Variants in ZNF337 observed in about 807,000 individuals in gnomAD.
ZNF337 encodes the protein zinc finger protein 337.
In ZNF337, 8 loss-of-function variants were observed where a neutral mutation model predicts 12.1. That is an observed-to-expected ratio of 0.66 (90% CI 0.39 to 1.19). The LOEUF (loss-of-function observed/expected upper bound fraction) is 1.19. ZNF337 is among the 50% of genes most tolerant of loss of function. The pLI, the probability that ZNF337 is intolerant of heterozygous loss-of-function variation, is 0.01. For missense variants in ZNF337, 882 were observed against 896.6 expected (o/e 0.98, Z 0.21); for synonymous variants, 336 against 320.0 (o/e 1.05, Z -0.53).
intron 1 of ZNF337, among the ~76,000 whole-genome samples, chr20:25,695,389 C>T (rs2065913425): frequency 6.6e-6 from 1 of 152,162 alleles, no homozygotes; most frequent in African/African-American, 2.4e-5. Context: ...CTACGCAATC[C>T]CCTTAACTCT....
intron 1 of ZNF337, among the ~76,000 whole-genome samples, chr20:25,695,369 G>T (rs2065913170): frequency 6.6e-6 from 1 of 152,120 alleles, no homozygotes; most frequent in Non-Finnish European, 1.5e-5. Context: ...TACATAATAA[G>T]AACTTTGATC....
chr20:25,692,415 G>C (rs1374044950), intron 1 of ZNF337, among the ~76,000 whole-genome samples: 2 of 152,210 alleles, frequency 1.3e-5, no homozygotes, highest in East Asian at 3.9e-4. Flanking sequence ...TGGTGTCTTG[G>C]ATTGGCTTCA....
chr20:25,681,764 C>T (rs557416237), intron 4 of ZNF337, among the ~76,000 whole-genome samples: 1 of 152,238 alleles, frequency 6.6e-6, no homozygotes, highest in South Asian at 2.1e-4. Flanking sequence ...CTGAATGTTA[C>T]ACTTAAGATT....
At chr20:25,680,695 C>T (rs148167052) in intron 4 of ZNF337, 15 of 152,204 alleles carry the variant, frequency 9.9e-5, no homozygotes, top group African/African-American at 3.4e-4. Flanking sequence ...TCTGATCACT[C>T]GGATAATGAC....
At position 25,675,304 on chromosome 20, in the gene ZNF337, CACACACATT is replaced by C. The variant is rs1416657626; in HGVS notation, c.1975_1983del (p.Asn659_Cys661del). On this transcript the variant is annotated inframe_deletion, in exon 5 of 5. Coordinates refer to ENST00000252979, the MANE Select transcript of ZNF337 (RefSeq NM_015655.4). ...CTTCTCTTCCAGCTGAAGCCTTGCC[CACACACATT>C]ACACACGAAGGGCTTCTCCCCTGAG... 6.2e-7 allele frequency: 1 copy of C among 1,613,850 alleles called. No individual in the cohort carries two copies. The highest frequency in any genetic ancestry group is 8.5e-7 in the Non-Finnish European group (1 of 1,179,960).
Position 25,676,426 on chromosome 20 carries a change from CTG to C in ZNF337, c.860_861del (p.Thr287ArgfsTer6), listed in dbSNP as rs766837660. On this transcript the variant is annotated frameshift_variant, in exon 5 of 5. Coordinates refer to ENST00000252979, the MANE Select transcript of ZNF337 (RefSeq NM_015655.4). LOFTEE classifies it low-confidence loss of function (END_TRUNC). The stretch of plus-strand genomic sequence containing the variant: ...TCCTGGCATTCATAAGGCTTCTCTC[CTG>C]TGTGTGTTCTCTCATGCACAGTGAG... ...SYLTVHERTH[T>X]GEKPYECQEC... 1 of 1,614,164 alleles carries C rather than the reference CTG, an allele frequency of 6.2e-7. No individual in the cohort carries two copies. The highest frequency in any genetic ancestry group is 2.2e-5 in the East Asian group (1 of 44,868).
At position 25,673,245 on chromosome 20, in the gene ZNF337, C is replaced by A. The variant is rs2065637214; in HGVS notation, c.*1787G>T. Reference sequence around the variant, plus strand: ...AAGAGGAGCACAGAATTCTGGTGAACCCACAATGTGCAGTGAAACTCAAAA... The same window carrying A: ...AAGAGGAGCACAGAATTCTGGTGAAACCACAATGTGCAGTGAAACTCAAAA... On this transcript the variant is annotated 3_prime_UTR_variant, in exon 5 of 5. Transcript: ENST00000252979. Among the ~76,000 whole-genome samples, 1 of 152,100 alleles carries A rather than the reference C, an allele frequency of 6.6e-6. No individual in the cohort carries two copies. Among genetic ancestry groups the A allele is most frequent in the African/African-American group, 2.4e-5 (1 of 41,404 alleles).
Position 25,675,532 on chromosome 20 carries a change from T to G in ZNF337, c.1756A>C (p.Thr586Pro). The G allele has an allele frequency of 6.2e-7, 1 of 1,613,580 alleles. No individual in the cohort carries two copies. The highest frequency in any genetic ancestry group is 8.5e-7 in the Non-Finnish European group (1 of 1,179,850). ...TGTGTCTTCTGGTGGAAGAGGAGAGTTGATTTTAGGATGAAGCCTCGCCCG... is the reference window on the plus strand; with the variant it reads ...TGTGTCTTCTGGTGGAAGAGGAGAGGTGATTTTAGGATGAAGCCTCGCCCG... ...DCGRGFILKS[T>P]LLFHQKTHSG... Residue 586 changes from threonine (T) to proline (P), a missense_variant, in exon 5 of 5, where the codon ACT becomes CCT. Thr to Pro is a conservative substitution (Grantham distance 38, BLOSUM62 -1). Transcript: ENST00000252979.
At chr20:25,685,516 T>G (rs900114955) in intron 4 of ZNF337, 51 bp downstream of exon 4, 1 of 1,513,188 alleles carries the variant, frequency 6.6e-7, no homozygotes. Context: ...GCCTCCTCCC[T>G]CCTGAAAGGC....
rs766505797 is a variant in ZNF337 at position 25,675,424 on chromosome 20, G to A, written c.1864C>T (p.His622Tyr). 22 of 1,613,972 alleles carry A rather than the reference G, an allele frequency of 1.4e-5. No individual in the cohort carries two copies. The highest frequency in any genetic ancestry group is 1.9e-5 in the Non-Finnish European group (22 of 1,179,996). ...CATACAAAAGGCTGCTTGCCAGAAT[G>A]TGCAAGCTGGTGTTTCACAAGATTT... ...KSNLVKHQLA[H>Y]SGKQPFVCKE... is the part of the protein sequence containing the mutation. The change falls in exon 5 of 5, where the codon CAT becomes TAT. Residue 622 changes from histidine (H) to tyrosine (Y), a missense_variant. Physicochemically the swap from His to Tyr is moderately conservative, Grantham distance 83. Coordinates refer to ENST00000252979, the MANE Select transcript of ZNF337 (RefSeq NM_015655.4).
At chr20:25,683,803 C>T (rs1412272776) in intron 4 of ZNF337, among the ~76,000 whole-genome samples, 4 of 152,110 alleles carry the variant, frequency 2.6e-5, no homozygotes, top group African/African-American at 9.7e-5. Context: ...GGCGATTCCT[C>T]AGGGATCTAG....
In ZNF337 at chr20:25,675,585, C is replaced by T. The variant is rs935511124; in HGVS notation, c.1703G>A (p.Gly568Glu). ...ATCCTTGCAATTAAATGGCCTTTCCCCCGAGTGTGTCCACTGATGTCTAAG... is the reference window on the plus strand; with the variant it reads ...ATCCTTGCAATTAAATGGCCTTTCCTCCGAGTGTGTCCACTGATGTCTAAG... The part of the protein sequence containing the change: ...NLLRHQWTHS[G>E]ERPFNCKDCG... The change falls in exon 5 of 5, where the codon GGG becomes GAG. Residue 568 changes from glycine to glutamate, a missense_variant. Physicochemically the swap from Gly to Glu is moderately conservative, Grantham distance 98. Coordinates refer to ENST00000252979, the MANE Select transcript of ZNF337 (RefSeq NM_015655.4). The T allele has an allele frequency of 9.3e-6, 15 of 1,613,636 alleles. No homozygotes were observed. In the African/African-American group the frequency reaches 9.4e-5, roughly 10 times the overall value.
At chr20:25,683,473 A>C (rs2065792117) in intron 4 of ZNF337, among the ~76,000 whole-genome samples, 1 of 151,822 alleles carries the variant, frequency 6.6e-6, no homozygotes, top group Admixed American at 6.6e-5. Context: ...TAACGGACAG[A>C]GGTTTTAAGA....
intron 4 of ZNF337, among the ~76,000 whole-genome samples, chr20:25,678,448 T>G (rs1001839348): frequency 6.6e-6 from 1 of 152,134 alleles, no homozygotes; most frequent in Non-Finnish European, 1.5e-5. Context: ...CCCAAAGCAA[T>G]CTACAGATTC....
rs749637197 is a variant in ZNF337 at position 25,676,549 on chromosome 20, G to C, written c.739C>G (p.Leu247Val). The C allele has an allele frequency of 3.1e-6, 5 of 1,612,280 alleles. No individual in the cohort carries two copies. Among genetic ancestry groups the C allele is most frequent in the Non-Finnish European group, 4.2e-6 (5 of 1,179,464 alleles). ...VCSVCGRGFS[L>V]KANLLRHQRT... ...TGGTGTCTGAGGAGGTTGGCCTTGA[G>C]GCTGAAGCCTCGCCCACACACACTG... The change falls in exon 5 of 5, where the codon CTC becomes GTC. Residue 247 changes from leucine (L) to valine (V), a missense_variant. By Grantham distance (32) the Leu-to-Val change is conservative (BLOSUM62 1). Transcript: ENST00000252979.
rs1311802048 is a variant in ZNF337, at chr20:25,696,840, C to G, written c.-131G>C. On this transcript the variant is annotated 5_prime_UTR_variant, in exon 1 of 5. Coordinates refer to ENST00000252979, the MANE Select transcript of ZNF337 (RefSeq NM_015655.4). ...TCACGGCTCGCTGACGCCCAGGGATCTGGAACGCTCTGCGCCGCCCGGGAC... is the reference window on the plus strand; with the variant it reads ...TCACGGCTCGCTGACGCCCAGGGATGTGGAACGCTCTGCGCCGCCCGGGAC... 1.0e-6 allele frequency: 1 copy of G among 984,986 alleles called. No individual in the cohort carries two copies. The highest frequency in any genetic ancestry group is 6.1e-5 in the Admixed American group (1 of 16,270). 61.0% of individuals were successfully genotyped at this position (984,986 alleles called of 1,614,324 possible).
chr20:25,675,078 C>T lies in ZNF337; in HGVS notation c.2210G>A (p.Arg737His), dbSNP rs372358970. The change falls in exon 5 of 5, where the codon CGT becomes CAT. Residue 737 changes from arginine to histidine, a missense_variant. Arg to His is a conservative substitution (Grantham distance 29, BLOSUM62 0). Transcript: ENST00000252979. The part of the protein sequence containing the change: ...YYSKHLKRHL[R>H]EKRFCTGSVG... ...ACTCCCTGTACAAAAACGCTTCTCA[C>T]GTAAGTGTCTCTTTAAGTGCTTACT... 2.6e-5 allele frequency: 42 copies of T among 1,613,484 alleles called. No homozygotes were observed. The highest frequency in any genetic ancestry group is 3.1e-5 in the Non-Finnish European group (37 of 1,179,916).
chr20:25,687,131 T>C (rs1226509580), intron 1 of ZNF337, among the ~76,000 whole-genome samples: 1 of 152,176 alleles, frequency 6.6e-6, no homozygotes, highest in Non-Finnish European at 1.5e-5. Flanking sequence ...GTTATAAAAG[T>C]ATTTTGGGTT....
At chr20:25,681,704 G>A (rs953672377) in intron 4 of ZNF337, among the ~76,000 whole-genome samples, 3 of 152,134 alleles carry the variant, frequency 2.0e-5, no homozygotes, top group African/African-American at 7.2e-5. Flanking sequence ...ATTCTTTTGT[G>A]TTGTCATAGG....
Sources: gnomAD v4.1 joint callset for allele counts (sites outside exome capture counted in the v4.1 genomes callset) on GRCh38, gnomAD v4.1.1 for gene constraint, MANE v1.5 for transcripts, NCBI Gene and HGNC (gene_info 2026-07-23, HGNC 2026-07-21) for gene names.